TUSC3: variants seen among roughly 807,000 people sequenced by gnomAD.
The protein encoded by TUSC3 is tumor suppressor candidate 3, also known as dolichyl-diphosphooligosaccharide--protein glycosyltransferase subunit TUSC3.
Under a neutral mutation model 44.8 loss-of-function variants are expected in TUSC3, and 45 were observed. The ratio of observed to expected loss-of-function variants is 1.00; its 90% CI spans 0.79 to 1.29. TUSC3 has a LOEUF of 1.29. Among genes scored for constraint, TUSC3 ranks in the 50% most tolerant of loss-of-function variants. The probability of loss-of-function intolerance (pLI) is 0.00; values close to 1 mark genes in which losing one functional copy is unlikely to be tolerated. For missense variants in TUSC3, 519 were observed against 437.9 expected (o/e 1.19, Z -1.65); for synonymous variants, 212 against 152.9 (o/e 1.39, Z -2.85).
chr8:15,583,774 C>T (rs556746689), intron 1 of TUSC3, among the ~76,000 whole-genome samples: 2 of 151,866 alleles, frequency 1.3e-5, no homozygotes, highest in African/African-American at 4.8e-5. Flanking sequence ...TTTTCTTAAG[C>T]AAGTATTGGA....
intron 2 of TUSC3, among the ~76,000 whole-genome samples, chr8:15,523,146 GT>G (rs1323602859): frequency 6.6e-6 from 1 of 152,102 alleles, no homozygotes; most frequent in Non-Finnish European, 1.5e-5. Flanking sequence ...CTTTCCATTT[GT>G]TCTCCTCTCC....
chr8:15,652,560 T>A (rs1806960408), intron 3 of TUSC3, among the ~76,000 whole-genome samples: 1 of 152,116 alleles, frequency 6.6e-6, no homozygotes, highest in African/African-American at 2.4e-5. Flanking sequence ...GCTTACAGAT[T>A]AGGGAGCTAA....
chr8:15,759,806 CA>C (rs1812095104), intron 10 of TUSC3, among the ~76,000 whole-genome samples: 2 of 152,276 alleles, frequency 1.3e-5, no homozygotes, highest in South Asian at 4.1e-4. Flanking sequence ...ACCACATTAA[CA>C]GTTCACCTCA....
chr8:15,787,298 A>G, the TUSC3 span, among the ~76,000 whole-genome samples: 6 of 152,198 alleles, frequency 3.9e-5, no homozygotes, highest in African/African-American at 1.4e-4. Flanking sequence ...TAAAGAATGA[A>G]AATATTAATA....
chr8:15,760,649 A>G (rs1011100929), intron 10 of TUSC3, among the ~76,000 whole-genome samples: 1 of 152,214 alleles, frequency 6.6e-6, no homozygotes, highest in Non-Finnish European at 1.5e-5. Context: ...GCCTATGAAT[A>G]AAGTTTCATT....
At chr8:15,435,500 T>A (rs1799934451) in intron 1 of TUSC3, among the ~76,000 whole-genome samples, 1 of 152,216 alleles carries the variant, frequency 6.6e-6, no homozygotes, top group Non-Finnish European at 1.5e-5. Context: ...GCATGCATAT[T>A]TCAAATAGCA....
rs1235959957 is a variant in TUSC3 at position 15,445,155 on chromosome 8, A to C, written n.91+27850A>C. Among the ~76,000 whole-genome samples, 4 of 152,316 alleles carry C rather than the reference A, an allele frequency of 2.6e-5. No homozygotes were observed. The East Asian group carries it at 7.7e-4, about 29-fold the overall frequency. On this transcript the variant is annotated intron_variant and non_coding_transcript_variant, in intron 1 of 5. Transcript: ENST00000503191. ...AGAAAGCAGGAAAAAGGAAAATTCA[A>C]TGACCGTGGGTCTGGATGGGATCTC...
At chr8:15,828,964 C>G in the TUSC3 span, among the ~76,000 whole-genome samples, 1 of 152,122 alleles carries the variant, frequency 6.6e-6, no homozygotes, top group Non-Finnish European at 1.5e-5. Flanking sequence ...CCTCTGTTGA[C>G]AAAAAACATG....
At chr8:15,842,865 C>G in the TUSC3 span, among the ~76,000 whole-genome samples, 4 of 152,196 alleles carry the variant, frequency 2.6e-5, no homozygotes, top group African/African-American at 9.7e-5. Flanking sequence ...TTTTACCATT[C>G]ACTTATCCTT....
At chr8:15,749,922 A>C (rs183761738) in intron 9 of TUSC3, among the ~76,000 whole-genome samples, 16 of 148,716 alleles carry the variant, frequency 1.1e-4, no homozygotes, top group African/African-American at 3.7e-4. Context: ...TTATAGTTTC[A>C]AAGGAAATGT....
At position 15,600,738 on chromosome 8, in the gene TUSC3, A is replaced by G. The variant is rs963257202; in HGVS notation, c.139-22342A>G. Among the ~76,000 whole-genome samples the G allele has an allele frequency of 2.0e-5, 3 of 151,672 alleles. No homozygotes were observed. The East Asian group carries it at 5.8e-4, about 29-fold the overall frequency. ...TCACTTTCTCTTCTTGCACCCTCTC[A>G]ACAACTAGTTAAGCTACTAGCTGTA... On this transcript the variant is annotated intron_variant, in intron 1 of 10. Coordinates refer to ENST00000503731, the MANE Select transcript of TUSC3 (RefSeq NM_006765.4).
intron 2 of TUSC3, among the ~76,000 whole-genome samples, chr8:15,526,421 T>G (rs2129130228): frequency 6.6e-6 from 1 of 152,226 alleles, no homozygotes; most frequent in South Asian, 2.1e-4. Context: ...TTTTGCTGTG[T>G]TCCTACCCAA....
At chr8:15,770,419 G>A (rs1256696551), downstream of TUSC3, among the ~76,000 whole-genome samples, 6 of 152,114 alleles carry the variant, frequency 3.9e-5, no homozygotes, top group Admixed American at 3.9e-4. Context: ...GGGATCAGGG[G>A]CTGGGGAGAG....
chr8:15,780,667 C>A, the TUSC3 span, among the ~76,000 whole-genome samples: 1 of 152,070 alleles, frequency 6.6e-6, no homozygotes, highest in Non-Finnish European at 1.5e-5. Flanking sequence ...CCGAGTAGGA[C>A]CTGGGCACTT....
chr8:15,525,028 C>G (rs1320542347), intron 2 of TUSC3, among the ~76,000 whole-genome samples: 2 of 152,174 alleles, frequency 1.3e-5, no homozygotes, highest in African/African-American at 2.4e-5. Flanking sequence ...GAACAAAAGC[C>G]TGCAACTGTT....
intron 8 of TUSC3, among the ~76,000 whole-genome samples, chr8:15,745,612 C>T (rs1811382631): frequency 6.6e-6 from 1 of 151,452 alleles, no homozygotes; most frequent in African/African-American, 2.4e-5. Flanking sequence ...TTAAGAAATA[C>T]CTGTTCATAT....
At chr8:15,728,256 G>A (rs1325186844) in intron 6 of TUSC3, among the ~76,000 whole-genome samples, 1 of 152,256 alleles carries the variant, frequency 6.6e-6, no homozygotes, top group South Asian at 2.1e-4. Context: ...CAACTCTAGG[G>A]TAGAGTCAGG....
rs79057942 is a variant in TUSC3, at chr8:15,444,823, G to T, written n.91+27518G>T. Among the ~76,000 whole-genome samples the T allele has an allele frequency of 6.9e-3, 1,051 of 152,248 alleles. 9 individuals carry two copies. Among genetic ancestry groups the T allele is most frequent in the African/African-American group, 0.024 (987 of 41,532 alleles). On this transcript the variant is annotated intron_variant and non_coding_transcript_variant, in intron 1 of 5. Transcript: ENST00000503191. ...AAAATGGTGACCAGTGAGGCAAGTG[G>T]ATACTATTTCTTCTTTCCCTCATCT...
the TUSC3 span, among the ~76,000 whole-genome samples, chr8:15,831,445 G>A: frequency 2.0e-5 from 3 of 152,050 alleles, no homozygotes; most frequent in Admixed American, 1.3e-4. Flanking sequence ...TTCTGAACTC[G>A]GCTGAGATGG....
Sources: allele counts gnomAD v4.1 joint callset (sites outside exome capture counted in the v4.1 genomes callset), GRCh38; gene constraint gnomAD v4.1.1; transcripts MANE v1.5; gene names NCBI Gene and HGNC (gene_info 2026-07-23, HGNC 2026-07-21).